The following PRKN variants were observed in gnomAD, a reference collection of about 807,000 sequenced individuals.
PRKN encodes the protein E3 ubiquitin-protein ligase parkin.
In PRKN, 56 loss-of-function variants were observed where a neutral mutation model predicts 59.5. The ratio of observed to expected loss-of-function variants is 0.94; its 90% CI spans 0.76 to 1.18. The LOEUF is 1.18. Among genes scored for constraint, PRKN ranks in the 50% most tolerant of loss-of-function variants. The pLI is 0.00. For missense variants in PRKN, 657 were observed against 596.4 expected (o/e 1.10, Z -1.06); for synonymous variants, 250 against 222.1 (o/e 1.13, Z -1.12).
intron 7 of PRKN, among the ~76,000 whole-genome samples, chr6:161,783,010 C>T (rs560269309): frequency 6.6e-6 from 1 of 151,776 alleles, no homozygotes; most frequent in African/African-American, 2.4e-5. Context: ...AAGGATATAC[C>T]CTAATGACAA....
rs1412837848 is a variant in PRKN, at chr6:162,552,021, G to A, written c.8-108548C>T. On this transcript the variant is annotated intron_variant, in intron 1 of 11. Transcript: ENST00000366898. ...ACTAGGTATCCTACCTAGAAAAAAT[G>A]GTTAGAGAAATAAATCAGAGATGAG... Among the ~76,000 whole-genome samples, 12 of 152,246 alleles carry A rather than the reference G, an allele frequency of 7.9e-5. No homozygotes were observed. In the East Asian group the frequency reaches 1.7e-3, roughly 22 times the overall value.
At chr6:161,895,229 T>C (rs1342410570) in intron 6 of PRKN, among the ~76,000 whole-genome samples, 1 of 152,184 alleles carries the variant, frequency 6.6e-6, no homozygotes, top group African/African-American at 2.4e-5. Context: ...TGGTAAAGCT[T>C]TGCTCCAGCT....
At chr6:162,152,944 A>T (rs1344865638) in intron 4 of PRKN, among the ~76,000 whole-genome samples, 2 of 152,224 alleles carry the variant, frequency 1.3e-5, no homozygotes, top group Admixed American at 1.3e-4. Flanking sequence ...TCCACAAAAA[A>T]GCAGTTCCAC....
rs766949960 is a variant in PRKN, at chr6:161,352,755, G to GTGTGTGTGTGTA, written c.1286-2545_1286-2544insTACACACACACA. 3.1e-3 allele frequency among the ~76,000 whole-genome samples: 417 copies of GTGTGTGTGTGTA among 134,344 alleles called. 3 individuals carry two copies. Among genetic ancestry groups the GTGTGTGTGTGTA allele is most frequent in the Admixed American group, 3.4e-3 (46 of 13,530 alleles). 88.1% of individuals were successfully genotyped at this position (134,344 alleles called of 152,430 possible). A position where few individuals can be genotyped will look rare whatever the true frequency, so the allele number is the denominator to read the frequency against. On this transcript the variant is annotated intron_variant, in intron 11 of 11. Transcript: ENST00000366898. The surrounding 1 kb of genome is among the most constrained non-coding windows in gnomAD (Gnocchi z 5.8). Reference sequence around the variant, plus strand: ...TGTGTGTGTGTGTGTGTGTGTGTGTGTATATATATATATATATTTTATTTT... The same window carrying GTGTGTGTGTGTA: ...TGTGTGTGTGTGTGTGTGTGTGTGTGTGTGTGTGTGTATATATATATATATATATTTTATTTT...
At chr6:162,494,357 C>T (rs185730714) in intron 1 of PRKN, among the ~76,000 whole-genome samples, 1 of 152,226 alleles carries the variant, frequency 6.6e-6, no homozygotes, top group East Asian at 1.9e-4. Context: ...TGGTGGGGAA[C>T]CCTGGCTTCT....
chr6:161,792,807 G>A (rs1790690334), intron 6 of PRKN, among the ~76,000 whole-genome samples: 2 of 152,128 alleles, frequency 1.3e-5, no homozygotes, highest in South Asian at 4.1e-4. Flanking sequence ...TTAGATAAAA[G>A]TAATTAAAAG....
chr6:162,097,827 T>C (rs571503863), intron 4 of PRKN, among the ~76,000 whole-genome samples: 30 of 152,350 alleles, frequency 2.0e-4, no homozygotes, highest in Admixed American at 4.6e-4. Context: ...CACGTGGTTA[T>C]TTGTTTTTCA....
intron 1 of PRKN, among the ~76,000 whole-genome samples, chr6:162,674,017 T>C (rs1011988461): frequency 6.6e-5 from 10 of 152,130 alleles, no homozygotes; most frequent in South Asian, 2.1e-4. Flanking sequence ...AGCATCACCA[T>C]AGGGTTCTGA....
chr6:161,629,860 A>C (rs1459882535), intron 7 of PRKN, among the ~76,000 whole-genome samples: 1 of 152,174 alleles, frequency 6.6e-6, no homozygotes, highest in Non-Finnish European at 1.5e-5. Flanking sequence ...TGATTTGCTA[A>C]TGCTGATAAA....
Position 161,360,702 on chromosome 6 carries a change from C to T in PRKN, c.1168-497G>A, listed in dbSNP as rs1015019659. 2.0e-5 allele frequency among the ~76,000 whole-genome samples: 3 copies of T among 152,088 alleles called. No individual in the cohort carries two copies. The highest frequency in any genetic ancestry group is 4.4e-5 in the Non-Finnish European group (3 of 68,024). On this transcript the variant is annotated intron_variant, in intron 10 of 11. Coordinates refer to ENST00000366898, the MANE Select transcript of PRKN (RefSeq NM_004562.3). The surrounding 1 kb of genome is among the most constrained non-coding windows in gnomAD (Gnocchi z 5.1). ...CTACATCTTGTTATCCTTCCTTGCA[C>T]CTGGCAAATGGGGAACTCCAAATGT...
intron 7 of PRKN, among the ~76,000 whole-genome samples, chr6:161,687,024 T>C (rs1392485152): frequency 6.6e-6 from 1 of 152,136 alleles, no homozygotes; most frequent in Non-Finnish European, 1.5e-5. Flanking sequence ...AAGTGTTCCA[T>C]TGAATGGAAT....
In PRKN at chr6:161,582,645, T is replaced by C. The variant is rs1781382688; in HGVS notation, c.872-13229A>G. ...GGTTTCACCATGTTAGCCAGGATGG[T>C]CTCGATCTGCTGACCTCGTGATCTG... On this transcript the variant is annotated intron_variant, in intron 7 of 11. Coordinates refer to ENST00000366898, the MANE Select transcript of PRKN (RefSeq NM_004562.3). The surrounding 1 kb of genome is among the most constrained non-coding windows in gnomAD (Gnocchi z 4.4). Among the ~76,000 whole-genome samples the C allele has an allele frequency of 6.6e-6, 1 of 151,996 alleles. No individual in the cohort carries two copies. Among genetic ancestry groups the C allele is most frequent in the South Asian group, 2.1e-4 (1 of 4,820 alleles).
At chr6:161,511,427 C>A (rs1688757943) in intron 9 of PRKN, among the ~76,000 whole-genome samples, 1 of 152,160 alleles carries the variant, frequency 6.6e-6, no homozygotes, top group African/African-American at 2.4e-5. Flanking sequence ...GTGATGTCAA[C>A]TGGAAACAAA....
chr6:161,661,467 T>C (rs899289643), intron 7 of PRKN, among the ~76,000 whole-genome samples: 2 of 152,112 alleles, frequency 1.3e-5, no homozygotes, highest in Admixed American at 1.3e-4. Context: ...AGATATCATG[T>C]ACCACAGAGG....
At chr6:162,523,281 C>T (rs1778146842) in intron 1 of PRKN, among the ~76,000 whole-genome samples, 1 of 152,244 alleles carries the variant, frequency 6.6e-6, no homozygotes, top group South Asian at 2.1e-4. Context: ...GAGTTCATGG[C>T]TTGTTGTTTA....
intron 6 of PRKN, among the ~76,000 whole-genome samples, chr6:161,871,664 T>C (rs1365925151): frequency 1.3e-5 from 2 of 152,210 alleles, no homozygotes; most frequent in Non-Finnish European, 2.9e-5. Flanking sequence ...ACACACTTTT[T>C]AAAACATAAG....
chr6:162,297,250 A>G (rs1781722664), intron 2 of PRKN, among the ~76,000 whole-genome samples: 1 of 151,066 alleles, frequency 6.6e-6, no homozygotes, highest in Admixed American at 6.6e-5. Flanking sequence ...TCTGCTGAAG[A>G]ATATACATGG....
chr6:161,840,857 C>A (rs1049952309), intron 6 of PRKN, among the ~76,000 whole-genome samples: 8 of 151,928 alleles, frequency 5.3e-5, no homozygotes, highest in Non-Finnish European at 8.8e-5. Flanking sequence ...CAAATCAAAA[C>A]CACAATGAGA....
chr6:161,713,436 T>C (rs1323304815), intron 7 of PRKN, among the ~76,000 whole-genome samples: 1 of 152,112 alleles, frequency 6.6e-6, no homozygotes, highest in Non-Finnish European at 1.5e-5. Context: ...ATCTGGAGGC[T>C]CTCTAGGGGG....
Sources: gnomAD v4.1 joint callset for allele counts (sites outside exome capture counted in the v4.1 genomes callset) on GRCh38, gnomAD v4.1.1 for gene constraint, Gnocchi (gnomAD v3.1) non-coding constraint, MANE v1.5 for transcripts, NCBI Gene and HGNC (gene_info 2026-07-23, HGNC 2026-07-21) for gene names.